Variants in DLGAP4 observed in about 807,000 individuals in gnomAD.
DLGAP4 encodes the protein disks large-associated protein 4.
Under a neutral mutation model 86.9 loss-of-function variants are expected in DLGAP4, and 18 were observed. The observed-to-expected ratio is 0.21, with a 90% CI of 0.14 to 0.31. DLGAP4 has a LOEUF of 0.31. Ranked by LOEUF, DLGAP4 falls within the 10% of genes least tolerant of loss-of-function variation. The pLI is 1.00. For missense variants in DLGAP4, 1,085 were observed against 1,362.6 expected (o/e 0.80, Z 3.21); for synonymous variants, 548 against 574.3 (o/e 0.95, Z 0.65).
chr20:36,372,624 G>A lies in DLGAP4; in HGVS notation c.-73+5349G>A, dbSNP rs373589215. On this transcript the variant is annotated intron_variant, in intron 2 of 12. Coordinates refer to ENST00000339266, the MANE Select transcript of DLGAP4 (RefSeq NM_001365621.2). ...ATCTCAGGCAGAACAACGTACACTC[G>A]TGAAGTCAAACTCTCTGAATCATGG... is the stretch of plus-strand genomic sequence containing the variant. 6.6e-5 allele frequency among the ~76,000 whole-genome samples: 10 copies of A among 151,606 alleles called. No individual in the cohort carries two copies. The East Asian group carries it at 7.7e-4, about 12-fold the overall frequency.
intron 7 of DLGAP4, among the ~76,000 whole-genome samples, chr20:36,468,970 A>T (rs1222370108): frequency 6.6e-6 from 1 of 151,962 alleles, no homozygotes; most frequent in Admixed American, 6.6e-5. Context: ...TTGGTTCTGG[A>T]TCTTTAATAT....
intron 7 of DLGAP4, among the ~76,000 whole-genome samples, chr20:36,447,141 A>C (rs564319634): frequency 6.6e-6 from 1 of 152,286 alleles, no homozygotes; most frequent in South Asian, 2.1e-4. Flanking sequence ...GGGGTCCCAG[A>C]GGCAGATGCC....
chr20:36,347,561 A>G (rs2029984655), intron 1 of DLGAP4, among the ~76,000 whole-genome samples: 1 of 151,810 alleles, frequency 6.6e-6, no homozygotes, highest in East Asian at 1.9e-4. Flanking sequence ...GAATTTTGGC[A>G]CTCTCATGGA....
chr20:36,423,853 G>A (rs1208955504), intron 2 of DLGAP4, among the ~76,000 whole-genome samples: 8 of 151,522 alleles, frequency 5.3e-5, no homozygotes, highest in South Asian at 4.2e-4. Flanking sequence ...CCAGCTACTC[G>A]GGAGGCTGAG....
chr20:36,524,794 C>T (rs970664088), intron 11 of DLGAP4, among the ~76,000 whole-genome samples: 5 of 151,904 alleles, frequency 3.3e-5, no homozygotes, highest in East Asian at 1.9e-4. Flanking sequence ...CCCAGCTACT[C>T]GGGAGGCTGA....
intron 6 of DLGAP4, among the ~76,000 whole-genome samples, chr20:36,445,569 C>T (rs948957457): frequency 2.6e-5 from 4 of 152,208 alleles, no homozygotes; most frequent in African/African-American, 9.7e-5. Context: ...GAACACCCAT[C>T]TAGTTGTTTG....
chr20:36,351,978 G>A (rs996108937), intron 1 of DLGAP4, among the ~76,000 whole-genome samples: 1 of 152,160 alleles, frequency 6.6e-6, no homozygotes, highest in Non-Finnish European at 1.5e-5. Flanking sequence ...GACAAAGTGC[G>A]AGGAAGCCCA....
Position 36,431,274 on chromosome 20 carries a change from G to T in DLGAP4, c.-72-372G>T, listed in dbSNP as rs2033123291. ...TATTTGCATCTATGTGGACCCTCGG[G>T]GTGAGGGACAGAGTCAGAAACGGAA... is the stretch of plus-strand genomic sequence containing the variant. On this transcript the variant is annotated intron_variant, in intron 2 of 12. Transcript: ENST00000339266. The surrounding 1 kb of genome is among the most constrained non-coding windows in gnomAD (Gnocchi z 5.1). Among the ~76,000 whole-genome samples the T allele has an allele frequency of 6.6e-6, 1 of 152,064 alleles. No individual in the cohort carries two copies. Among genetic ancestry groups the T allele is most frequent in the Non-Finnish European group, 1.5e-5 (1 of 68,024 alleles).
In DLGAP4 at chr20:36,500,157, T is replaced by A; in HGVS notation, c.2100-42T>A. The A allele has an allele frequency of 6.7e-7, 1 of 1,500,842 alleles. No homozygotes were observed. The highest frequency in any genetic ancestry group is 8.9e-7 in the Non-Finnish European group (1 of 1,123,760). 93.0% of individuals were successfully genotyped at this position (1,500,842 alleles called of 1,614,324 possible). On this transcript the variant is annotated intron_variant, in intron 9 of 12. Transcript: ENST00000339266. This position sits in a 1 kb window ranked among gnomAD's most constrained non-coding sequence, Gnocchi z 4.6. The stretch of plus-strand genomic sequence containing the variant: ...TCTGGTCTCTGGCCCTCTTGGTGAC[T>A]CACTCCTTCCTGTCCCCACCCCATC...
intron 7 of DLGAP4, among the ~76,000 whole-genome samples, chr20:36,459,336 A>G (rs1278768298): frequency 6.6e-6 from 1 of 152,212 alleles, no homozygotes; most frequent in East Asian, 1.9e-4. Flanking sequence ...ACACTGTTTG[A>G]CACTGCCTGA....
intron 2 of DLGAP4, among the ~76,000 whole-genome samples, chr20:36,388,127 G>T: frequency 6.6e-6 from 1 of 152,228 alleles, no homozygotes; most frequent in East Asian, 1.9e-4. Context: ...CTTGGCTATT[G>T]AGAACTGCCA....
intron 1 of DLGAP4, among the ~76,000 whole-genome samples, chr20:36,361,778 G>A (rs1015976720): frequency 2.6e-5 from 4 of 151,920 alleles, no homozygotes; most frequent in Non-Finnish European, 5.9e-5. Context: ...TTCGAAACCA[G>A]CCTGGACAAC....
At chr20:36,396,460 C>G (rs1274003485) in intron 2 of DLGAP4, among the ~76,000 whole-genome samples, 2 of 8,876 alleles carry the variant, frequency 2.3e-4, no homozygotes, top group African/African-American at 1.2e-3. Context: ...ATCACATGCA[C>G]ACACACACAT....
intron 2 of DLGAP4, among the ~76,000 whole-genome samples, chr20:36,418,542 C>T (rs1397701092): frequency 6.6e-6 from 1 of 152,162 alleles, no homozygotes; most frequent in African/African-American, 2.4e-5. Flanking sequence ...AAGATGAGTG[C>T]TGCGTATGGA....
chr20:36,442,922 T>C lies in DLGAP4; in HGVS notation c.1407+145T>C, dbSNP rs2033489362. Reference sequence around the variant, plus strand: ...GAAAGCCACTTCCAGTGGATGGAGTTGAGGGTCACATTGGTGTCCTGACTC... The same window carrying C: ...GAAAGCCACTTCCAGTGGATGGAGTCGAGGGTCACATTGGTGTCCTGACTC... On this transcript the variant is annotated intron_variant, in intron 6 of 12. Coordinates refer to ENST00000339266, the MANE Select transcript of DLGAP4 (RefSeq NM_001365621.2). The C allele has an allele frequency of 3.9e-6, 4 of 1,013,684 alleles. No homozygotes were observed. In the South Asian group the frequency reaches 5.4e-5, roughly 14 times the overall value. 62.8% of individuals were successfully genotyped at this position (1,013,684 alleles called of 1,614,324 possible).
At chr20:36,397,642 A>G (rs1054698110) in intron 2 of DLGAP4, among the ~76,000 whole-genome samples, 5 of 151,992 alleles carry the variant, frequency 3.3e-5, no homozygotes, top group African/African-American at 1.2e-4. Context: ...AAATTTTGAT[A>G]TATTGTATTG....
chr20:36,413,956 G>C (rs2032580405), intron 2 of DLGAP4, among the ~76,000 whole-genome samples: 1 of 152,202 alleles, frequency 6.6e-6, no homozygotes, highest in African/African-American at 2.4e-5. Context: ...ACACCATGGG[G>C]AAGAAGTAGA....
chr20:36,466,529 G>T (rs1324954073), intron 7 of DLGAP4, among the ~76,000 whole-genome samples: 1 of 152,222 alleles, frequency 6.6e-6, no homozygotes, highest in Admixed American at 6.5e-5. Context: ...TGAGGTTGAT[G>T]AGGTGTGTGG....
intron 2 of DLGAP4, among the ~76,000 whole-genome samples, chr20:36,389,255 C>T (rs977144598): frequency 6.6e-6 from 1 of 152,170 alleles, no homozygotes; most frequent in African/African-American, 2.4e-5. Context: ...TTTTCCTCTG[C>T]TATTGCATAG....
Sources: gnomAD v4.1 joint callset for allele counts (sites outside exome capture counted in the v4.1 genomes callset) on GRCh38, gnomAD v4.1.1 for gene constraint, Gnocchi (gnomAD v3.1) non-coding constraint, MANE v1.5 for transcripts, NCBI Gene and HGNC (gene_info 2026-07-23, HGNC 2026-07-21) for gene names.